The following CHRM3 variants were observed in gnomAD, a reference collection of about 807,000 sequenced individuals.
The protein encoded by CHRM3 is muscarinic acetylcholine receptor M3.
In CHRM3, 11 loss-of-function variants were observed where a neutral mutation model predicts 41.8. The ratio of observed to expected loss-of-function variants is 0.26; its 90% CI spans 0.17 to 0.44. The LOEUF (loss-of-function observed/expected upper bound fraction) is 0.44. CHRM3 is among the 20% of genes least tolerant of loss of function. The pLI, the probability that CHRM3 is intolerant of heterozygous loss-of-function variation, is 1.00. For synonymous variants in CHRM3, 297 were observed against 301.4 expected (o/e 0.99, Z 0.15); for missense variants, 571 against 745.4 (o/e 0.77, Z 2.72).
Position 239,909,416 on chromosome 1 carries a change from A to C in CHRM3, c.*192A>C, listed in dbSNP as rs200560669. ...TAGAAAAAGTCAATACCAATTCAGC[A>C]AAAAGAAAAAAAAAACATACTACTG... On this transcript the variant is annotated 3_prime_UTR_variant, in exon 7 of 7. Coordinates refer to ENST00000676153, the MANE Select transcript of CHRM3 (RefSeq NM_001375978.1). The C allele has an allele frequency of 2.2e-5, 10 of 449,894 alleles. No homozygotes were observed. Among genetic ancestry groups the C allele is most frequent in the Non-Finnish European group, 3.9e-5 (10 of 255,196 alleles). 27.9% of individuals were successfully genotyped at this position (449,894 alleles called of 1,614,324 possible). A position where few individuals can be genotyped will look rare whatever the true frequency, so the allele number is the denominator to read the frequency against.
At chr1:239,409,097 T>A (rs1469425107) in intron 1 of CHRM3, among the ~76,000 whole-genome samples, 1 of 152,230 alleles carries the variant, frequency 6.6e-6, no homozygotes, top group African/African-American at 2.4e-5. Flanking sequence ...TTAAACATGC[T>A]TGAAGATACT....
chr1:239,752,361 T>A (rs1444630816), intron 5 of CHRM3, among the ~76,000 whole-genome samples: 1 of 152,194 alleles, frequency 6.6e-6, no homozygotes, highest in Non-Finnish European at 1.5e-5. Flanking sequence ...GATTTTTTTC[T>A]TGAGTCCTCT....
rs143859342 is a variant in CHRM3 at position 239,873,211 on chromosome 1, T to C, written c.-19-34222T>C. On this transcript the variant is annotated intron_variant, in intron 6 of 6. Coordinates refer to ENST00000676153, the MANE Select transcript of CHRM3 (RefSeq NM_001375978.1). ...AGACTGAGTTCATAACCATTCCATA[T>C]AAGTGCTGGTACCTTTGGCAGGTCA... 3.0e-3 allele frequency among the ~76,000 whole-genome samples: 456 copies of C among 152,302 alleles called. 2 individuals are homozygous for C. The highest frequency in any genetic ancestry group is 0.01 in the African/African-American group (432 of 41,574).
intron 3 of CHRM3, among the ~76,000 whole-genome samples, chr1:239,608,721 A>C (rs975212604): frequency 6.6e-6 from 1 of 152,186 alleles, no homozygotes; most frequent in Non-Finnish European, 1.5e-5. Flanking sequence ...TCCATTACTT[A>C]ACTCTGGAGA....
At chr1:239,504,088 A>C (rs1022254576) in intron 2 of CHRM3, among the ~76,000 whole-genome samples, 4 of 152,174 alleles carry the variant, frequency 2.6e-5, no homozygotes, top group Non-Finnish European at 5.9e-5. Context: ...GAGCTTTTGC[A>C]CAGCAAAAGC....
At chr1:239,429,620 G>A (rs1192013113) in intron 1 of CHRM3, among the ~76,000 whole-genome samples, 1 of 152,170 alleles carries the variant, frequency 6.6e-6, no homozygotes, top group Non-Finnish European at 1.5e-5. Context: ...GCTCATGTGT[G>A]AGGCACATAT....
intron 6 of CHRM3, among the ~76,000 whole-genome samples, chr1:239,885,421 A>G (rs12064424): frequency 0.077 from 11,781 of 152,158 alleles, 1,377 homozygotes; most frequent in African/African-American, 0.25. Context: ...CAGGGACCAC[A>G]CTTGGATGAC....
At chr1:239,852,209 A>G (rs1674752195) in intron 6 of CHRM3, among the ~76,000 whole-genome samples, 2 of 152,302 alleles carry the variant, frequency 1.3e-5, no homozygotes, top group African/African-American at 2.4e-5. Flanking sequence ...ATTTTGGGAA[A>G]GGATTTAAAA....
intron 1 of CHRM3, among the ~76,000 whole-genome samples, chr1:239,399,516 G>C (rs1051069846): frequency 1.3e-5 from 2 of 151,866 alleles, no homozygotes; most frequent in Non-Finnish European, 2.9e-5. Flanking sequence ...CCCCTTCCCT[G>C]TCCCCGCTGG....
chr1:239,903,177 G>A (rs978200041), intron 6 of CHRM3, among the ~76,000 whole-genome samples: 1 of 151,964 alleles, frequency 6.6e-6, no homozygotes. Flanking sequence ...TTCATTTGGG[G>A]GGGCTCTTCA....
intron 4 of CHRM3, among the ~76,000 whole-genome samples, chr1:239,649,727 G>C (rs934361133): frequency 1.3e-5 from 2 of 152,254 alleles, no homozygotes; most frequent in South Asian, 2.1e-4. Context: ...TAGAGATCTT[G>C]AGTGCGAGAG....
chr1:239,762,882 A>T (rs1393515770), intron 5 of CHRM3, among the ~76,000 whole-genome samples: 1 of 152,212 alleles, frequency 6.6e-6, no homozygotes, highest in Non-Finnish European at 1.5e-5. Flanking sequence ...ATCACAAGTT[A>T]AAAATGAGTT....
At chr1:239,564,097 A>C (rs1191563839) in intron 3 of CHRM3, among the ~76,000 whole-genome samples, 1 of 152,212 alleles carries the variant, frequency 6.6e-6, no homozygotes, top group Non-Finnish European at 1.5e-5. Flanking sequence ...GTTTTGGTAG[A>C]ATGAAGAATT....
intron 1 of CHRM3, among the ~76,000 whole-genome samples, chr1:239,428,019 C>T (rs1285310694): frequency 6.6e-6 from 1 of 152,114 alleles, no homozygotes; most frequent in Admixed American, 6.5e-5. Context: ...ATTGTTTTTG[C>T]ATCTAACAGG....
At chr1:239,746,156 A>C (rs943858930) in intron 5 of CHRM3, among the ~76,000 whole-genome samples, 3 of 152,250 alleles carry the variant, frequency 2.0e-5, no homozygotes, top group Non-Finnish European at 2.9e-5. Context: ...GTGGAAAACC[A>C]ATGGAGCATT....
chr1:239,825,239 T>C (rs1016888904), intron 5 of CHRM3, among the ~76,000 whole-genome samples: 2 of 152,336 alleles, frequency 1.3e-5, no homozygotes, highest in African/African-American at 4.8e-5. Flanking sequence ...TCCTCATCTA[T>C]TCAGGCCAGT....
intron 5 of CHRM3, chr1:239,720,142 G>A (rs920620300): frequency 6.6e-6 from 1 of 151,946 alleles, no homozygotes; most frequent in Non-Finnish European, 1.5e-5. Context: ...TACTTACTAT[G>A]GTTGAGAGGA....
chr1:239,702,995 A>T (rs1158811171), intron 5 of CHRM3, among the ~76,000 whole-genome samples: 1 of 152,136 alleles, frequency 6.6e-6, no homozygotes, highest in East Asian at 1.9e-4. Context: ...CCACTCTCCC[A>T]TGTCAGATAT....
rs1166714362 is a variant in CHRM3, at chr1:239,915,444, G to T, written c.*6220G>T. 1 of 166,966 alleles carries T rather than the reference G, an allele frequency of 6.0e-6. No homozygotes were observed. The highest frequency in any genetic ancestry group is 2.4e-5 in the African/African-American group (1 of 41,412). The allele number at this position is 166,966 out of a possible 1,614,324, so 10.3% of individuals were successfully genotyped here. On this transcript the variant is annotated 3_prime_UTR_variant, in exon 7 of 7. Transcript: ENST00000676153. ...GAAATAAGTAAATAAAACTATTATT[G>T]AACAAAGAGTGTGGTTTGCTTTTAT...
Sources: allele counts gnomAD v4.1 joint callset (sites outside exome capture counted in the v4.1 genomes callset), GRCh38; gene constraint gnomAD v4.1.1; transcripts MANE v1.5; gene names NCBI Gene and HGNC (gene_info 2026-07-23, HGNC 2026-07-21).